OTOGL: variants seen among roughly 807,000 people sequenced by gnomAD.
The protein encoded by OTOGL is otogelin-like protein.
In OTOGL, 285 loss-of-function variants were observed where a neutral mutation model predicts 318.5. The observed-to-expected ratio is 0.89, with a 90% CI of 0.81 to 0.99. The LOEUF is 0.99. Ranked by LOEUF, OTOGL falls within the 50% of genes least tolerant of loss-of-function variation. The pLI is 0.00. For synonymous variants in OTOGL, 987 were observed against 936.5 expected (o/e 1.05, Z -0.99); for missense variants, 2,899 against 2,845.6 (o/e 1.02, Z -0.43).
chr12:80,363,992 C>T (rs939605491), intron 52 of OTOGL, among the ~76,000 whole-genome samples: 1 of 152,070 alleles, frequency 6.6e-6, no homozygotes, highest in African/African-American at 2.4e-5. Context: ...CCCTCCCCAG[C>T]ATTTGTGCTA....
intron 38 of OTOGL, 83 bp from the exon 39 acceptor site, chr12:80,335,880 G>T: frequency 8.0e-7 from 1 of 1,252,400 alleles, no homozygotes; most frequent in Non-Finnish European, 1.1e-6. Flanking sequence ...GTACACCATG[G>T]GCAATATGAA....
chr12:80,253,244 GGC>G (rs1881731309), intron 13 of OTOGL, among the ~76,000 whole-genome samples: 1 of 152,066 alleles, frequency 6.6e-6, no homozygotes, highest in South Asian at 2.1e-4. Context: ...AGTTTTTGAT[GGC>G]AAGTCATGGG....
intron 8 of OTOGL, among the ~76,000 whole-genome samples, chr12:80,230,673 C>T (rs765746766): frequency 2.6e-5 from 4 of 152,138 alleles, no homozygotes; most frequent in Non-Finnish European, 4.4e-5. Context: ...AGCAATATTG[C>T]TTACACAAAT....
intron 55 of OTOGL, among the ~76,000 whole-genome samples, chr12:80,369,598 T>C (rs1722792788): frequency 6.6e-6 from 1 of 152,088 alleles, no homozygotes; most frequent in Admixed American, 6.6e-5. Flanking sequence ...AGTGTTTGCT[T>C]GCACAGAATT....
rs1465917342 is a variant in OTOGL at position 80,254,585 on chromosome 12, T to C, written c.1441+15T>C. On this transcript the variant is annotated intron_variant, in intron 15 of 58. Transcript: ENST00000547103. ...AGACTGTCCAGGTAATTTTTTAAAA[T>C]GTTTTTATAGAGAATGTTTCAAATT... 1.3e-6 allele frequency: 2 copies of C among 1,595,596 alleles called. No individual in the cohort carries two copies. Among genetic ancestry groups the C allele is most frequent in the East Asian group, 2.2e-5 (1 of 44,660 alleles).
intron 1 of OTOGL, among the ~76,000 whole-genome samples, chr12:80,152,566 A>G (rs1183771124): frequency 6.6e-6 from 1 of 152,236 alleles, no homozygotes; most frequent in Non-Finnish European, 1.5e-5. Flanking sequence ...AAAACAGTCT[A>G]TGGATGTAAG....
At chr12:80,171,707 T>G (rs1874216372) in intron 1 of OTOGL, among the ~76,000 whole-genome samples, 1 of 152,154 alleles carries the variant, frequency 6.6e-6, no homozygotes, top group African/African-American at 2.4e-5. Flanking sequence ...TCTCCTGGGT[T>G]TTTTATTGGG....
chr12:80,251,482 T>C (rs565752249), intron 11 of OTOGL, among the ~76,000 whole-genome samples: 1 of 152,328 alleles, frequency 6.6e-6, no homozygotes, highest in Admixed American at 6.5e-5. Context: ...TGAAGATTAT[T>C]TATCTAGGCC....
chr12:80,261,532 A>C (rs1882525123), intron 18 of OTOGL, among the ~76,000 whole-genome samples: 1 of 152,138 alleles, frequency 6.6e-6, no homozygotes, highest in African/African-American at 2.4e-5. Flanking sequence ...GAAAAAAATC[A>C]TGTGAAATGC....
intron 1 of OTOGL, among the ~76,000 whole-genome samples, chr12:80,165,920 T>C (rs1873801000): frequency 6.6e-6 from 1 of 152,196 alleles, no homozygotes; most frequent in Non-Finnish European, 1.5e-5. Flanking sequence ...CTTCTGATTG[T>C]GCCATCTGTG....
chr12:80,194,776 T>A (rs1367016695), intron 1 of OTOGL, among the ~76,000 whole-genome samples: 9 of 152,068 alleles, frequency 5.9e-5, no homozygotes, highest in African/African-American at 9.7e-5. Context: ...TATTAAAATT[T>A]AAAAAAATAA....
intron 7 of OTOGL, among the ~76,000 whole-genome samples, chr12:80,223,002 G>T (rs1285513011): frequency 6.6e-6 from 1 of 151,842 alleles, no homozygotes; most frequent in Non-Finnish European, 1.5e-5. Flanking sequence ...AGTGTACATT[G>T]TACCCAATGT....
intron 18 of OTOGL, among the ~76,000 whole-genome samples, chr12:80,258,927 G>A (rs1882293382): frequency 6.6e-6 from 1 of 152,006 alleles, no homozygotes; most frequent in Admixed American, 6.6e-5. Flanking sequence ...TATAATTAAT[G>A]TGTACTTGAA....
intron 1 of OTOGL, among the ~76,000 whole-genome samples, chr12:80,113,446 GT>G (rs2137084178): frequency 6.6e-6 from 1 of 152,184 alleles, no homozygotes; most frequent in South Asian, 2.1e-4. Context: ...ATTCTGGTAC[GT>G]TGTGTCTTTT....
chr12:80,195,123 T>G (rs1875966489), intron 1 of OTOGL, among the ~76,000 whole-genome samples: 1 of 152,268 alleles, frequency 6.6e-6, no homozygotes, highest in Non-Finnish European at 1.5e-5. Flanking sequence ...TTCTTTAGGC[T>G]ATTATAACTA....
At chr12:80,336,611 A>G in intron 40 of OTOGL, 56 bp downstream of exon 40, 3 of 1,531,822 alleles carry the variant, frequency 2.0e-6, no homozygotes, top group Non-Finnish European at 2.7e-6. Flanking sequence ...GCTAATGTCT[A>G]TTGCAACATC....
chr12:80,109,125 C>T (rs933888336), intron 1 of OTOGL, among the ~76,000 whole-genome samples: 3 of 151,484 alleles, frequency 2.0e-5, no homozygotes, highest in African/African-American at 7.3e-5. Context: ...GCTTCTTATG[C>T]CCCAACTTTA....
intron 1 of OTOGL, among the ~76,000 whole-genome samples, chr12:80,148,137 T>C (rs1872529416): frequency 6.6e-6 from 1 of 151,910 alleles, no homozygotes; most frequent in African/African-American, 2.4e-5. Flanking sequence ...TGATGCAGTT[T>C]CTTCCTAGTC....
In OTOGL at chr12:80,336,855, T is replaced by A. The variant is rs571370132; in HGVS notation, c.4767+35T>A. On this transcript the variant is annotated intron_variant, in intron 41 of 58. Transcript: ENST00000547103. ...TGCAAAGTGTTTAGTACATTCATTC[T>A]GTTTATCACTACAATTGTGTTTAAC... 1.1e-5 allele frequency: 17 copies of A among 1,537,810 alleles called. 1 individual carries two copies. The South Asian group carries it at 1.9e-4, about 17-fold the overall frequency.
Sources: gnomAD v4.1 joint callset for allele counts (sites outside exome capture counted in the v4.1 genomes callset) on GRCh38, gnomAD v4.1.1 for gene constraint, MANE v1.5 for transcripts, NCBI Gene and HGNC (gene_info 2026-07-23, HGNC 2026-07-21) for gene names.